FARS2: variants seen among roughly 807,000 people sequenced by gnomAD.
The protein encoded by FARS2 is phenylalanyl-tRNA synthetase 2, mitochondrial, also known as phenylalanine--tRNA ligase, mitochondrial.
Under a neutral mutation model 46.4 loss-of-function variants are expected in FARS2, and 40 were observed. The ratio of observed to expected loss-of-function variants is 0.86; its 90% CI spans 0.67 to 1.12. The LOEUF is 1.12. FARS2 is among the 50% of genes most tolerant of loss of function. The pLI is 0.00. For synonymous variants in FARS2, 234 were observed against 214.9 expected (o/e 1.09, Z -0.78); for missense variants, 513 against 567.9 (o/e 0.90, Z 0.98).
chr6:5,602,859 C>T lies in FARS2; in HGVS notation c.1066-10310C>T, dbSNP rs77676047. On this transcript the variant is annotated intron_variant, in intron 5 of 6. Transcript: ENST00000274680. ...AATTTATAACCGGGTCATGGACAAC[C>T]GTCAAACTTGTGTATCTGTTGAACT... Among the ~76,000 whole-genome samples the T allele has an allele frequency of 6.2e-3, 947 of 152,176 alleles. 10 individuals are homozygous for T. The highest frequency in any genetic ancestry group is 0.023 in the South Asian group (112 of 4,812).
intron 6 of FARS2, among the ~76,000 whole-genome samples, chr6:5,669,505 C>T (rs1778339721): frequency 6.6e-6 from 1 of 152,066 alleles, no homozygotes; most frequent in Non-Finnish European, 1.5e-5. Context: ...TTTTCCTTCA[C>T]TGTGGCTGGG....
chr6:5,442,594 TATC>T (rs1424014310), intron 4 of FARS2, among the ~76,000 whole-genome samples: 3 of 152,212 alleles, frequency 2.0e-5, no homozygotes, highest in Non-Finnish European at 4.4e-5. Flanking sequence ...GTTACTGCCT[TATC>T]ATTCATATTT....
chr6:5,762,873 T>C (rs1218461907), intron 6 of FARS2, among the ~76,000 whole-genome samples: 1 of 151,992 alleles, frequency 6.6e-6, no homozygotes, highest in East Asian at 1.9e-4. Flanking sequence ...GCAACACTGG[T>C]GTTCACTGGC....
At chr6:5,456,730 C>CAAAAAAAAAAAAAAA (rs11393453) in intron 4 of FARS2, among the ~76,000 whole-genome samples, 1 of 69,880 alleles carries the variant, frequency 1.4e-5, no homozygotes, top group Admixed American at 1.9e-4. Context: ...GACTCCATCT[C>CAAAAAAAAAAAAAAA]AAAAAAAAAA....
chr6:5,683,597 GTTTTTTTCTTTT>G (rs563027180), intron 6 of FARS2, among the ~76,000 whole-genome samples: 49 of 151,398 alleles, frequency 3.2e-4, no homozygotes, highest in Non-Finnish European at 5.2e-4. Context: ...TTTTGTTTTT[GTTTTTTTCTTTT>G]TTTTTTTCTT....
chr6:5,406,393 T>C (rs182071704), intron 3 of FARS2, among the ~76,000 whole-genome samples: 6 of 152,322 alleles, frequency 3.9e-5, no homozygotes, highest in African/African-American at 1.2e-4. Context: ...ATCTTCATTG[T>C]CCCCAGGAGT....
chr6:5,719,764 T>C (rs1309826291), intron 6 of FARS2, among the ~76,000 whole-genome samples: 1 of 152,224 alleles, frequency 6.6e-6, no homozygotes, highest in Admixed American at 6.5e-5. Context: ...GTAGTTCAAG[T>C]TCAGGTTCTG....
At chr6:5,505,014 A>G (rs1429167814) in intron 4 of FARS2, among the ~76,000 whole-genome samples, 7 of 152,192 alleles carry the variant, frequency 4.6e-5, no homozygotes, top group Non-Finnish European at 8.8e-5. Context: ...TAGTTTCTGA[A>G]TAAGAGTGAT....
intron 6 of FARS2, among the ~76,000 whole-genome samples, chr6:5,671,383 A>G (rs114332579): frequency 1.2e-3 from 180 of 152,304 alleles, no homozygotes; most frequent in African/African-American, 4.2e-3. Context: ...CTCTTCAGGC[A>G]TAGGATTAAT....
chr6:5,518,616 G>A (rs1280325434), intron 4 of FARS2, among the ~76,000 whole-genome samples: 3 of 152,066 alleles, frequency 2.0e-5, no homozygotes, highest in African/African-American at 7.2e-5. Flanking sequence ...GACTGTGAGT[G>A]ATCACATATA....
At chr6:5,586,299 AG>A (rs1463623768) in intron 5 of FARS2, among the ~76,000 whole-genome samples, 4 of 152,154 alleles carry the variant, frequency 2.6e-5, no homozygotes, top group Non-Finnish European at 5.9e-5. Context: ...CCTTAATCTT[AG>A]AGGAAAAGCT....
At chr6:5,668,764 A>T (rs1485440334) in intron 6 of FARS2, among the ~76,000 whole-genome samples, 1 of 131,374 alleles carries the variant, frequency 7.6e-6, no homozygotes, top group Admixed American at 9.3e-5. Flanking sequence ...CGTGATCTCG[A>T]CTCACTGCAA....
In FARS2 at chr6:5,497,651, A is replaced by G. The variant is rs544860242; in HGVS notation, c.905-47529A>G. 5.9e-5 allele frequency among the ~76,000 whole-genome samples: 9 copies of G among 152,374 alleles called. No individual in the cohort carries two copies. In the South Asian group the frequency reaches 6.2e-4, roughly 11 times the overall value. ...TATTTAACATGGAAAATGAATGCCA[A>G]TGGTATCATTCAAACTTCTTATAGT... On this transcript the variant is annotated intron_variant, in intron 4 of 6. Transcript: ENST00000274680.
Position 5,369,082 on chromosome 6 carries a change from TC to T in FARS2, c.514del (p.Leu172TrpfsTer38). On this transcript the variant is annotated frameshift_variant, in exon 2 of 7. Transcript: ENST00000274680. LOFTEE classifies it high-confidence loss of function. The stretch of plus-strand genomic sequence containing the variant: ...TTGCTGCACGCGGGACTGGATGCCT[TC>T]CTGGTGGTGGGTGATGTCTACAGGC... ...WDLLHAGLDA[F>X]LVVGDVYRRD... 6.2e-7 allele frequency: 1 copy of T among 1,613,958 alleles called. No homozygotes were observed. The highest frequency in any genetic ancestry group is 8.5e-7 in the Non-Finnish European group (1 of 1,180,004).
intron 6 of FARS2, among the ~76,000 whole-genome samples, chr6:5,684,400 T>A (rs1757013661): frequency 6.6e-6 from 1 of 152,150 alleles, no homozygotes. Flanking sequence ...CAAGGGATGA[T>A]GTCCTTATGA....
chr6:5,352,135 A>ATT (rs540539612), intron 1 of FARS2, among the ~76,000 whole-genome samples: 8,463 of 143,308 alleles, frequency 0.059, 285 homozygotes, highest in Middle Eastern at 0.14. Context: ...TTTTTTTGTG[A>ATT]TTTTTTTTTT....
intron 6 of FARS2, among the ~76,000 whole-genome samples, chr6:5,768,484 G>A (rs1408593811): frequency 2.0e-5 from 3 of 152,080 alleles, no homozygotes; most frequent in African/African-American, 7.2e-5. Flanking sequence ...CAGCTCTTCT[G>A]CTAGGAGGGA....
At position 5,681,216 on chromosome 6, in the gene FARS2, A is replaced by G. The variant is rs574585586; in HGVS notation, c.1217+67896A>G. Among the ~76,000 whole-genome samples, 7 of 152,390 alleles carry G rather than the reference A, an allele frequency of 4.6e-5. No individual in the cohort carries two copies. In the East Asian group the frequency reaches 5.8e-4, roughly 13 times the overall value. On this transcript the variant is annotated intron_variant, in intron 6 of 6. Transcript: ENST00000274680. Reference sequence around the variant, plus strand: ...TTTGGAAGCAACCTGAATGTTACCTATTGAGAAACAAATACATTATAGTTT... The same window carrying G: ...TTTGGAAGCAACCTGAATGTTACCTGTTGAGAAACAAATACATTATAGTTT...
chr6:5,417,835 T>C (rs1762328592), intron 3 of FARS2, among the ~76,000 whole-genome samples: 1 of 152,208 alleles, frequency 6.6e-6, no homozygotes, highest in Admixed American at 6.5e-5. Flanking sequence ...ACTCTCCTCC[T>C]TTAGGTACTC....
Sources: gnomAD v4.1 joint callset for allele counts (sites outside exome capture counted in the v4.1 genomes callset) on GRCh38, gnomAD v4.1.1 for gene constraint, MANE v1.5 for transcripts, NCBI Gene and HGNC (gene_info 2026-07-23, HGNC 2026-07-21) for gene names.